Variants in MYH11 observed in about 807,000 individuals in gnomAD.
MYH11 encodes myosin heavy chain 11.
MYH11 carries 80 observed loss-of-function variants against 246.6 expected under a neutral mutation model. The observed-to-expected ratio is 0.32, with a 90% CI of 0.27 to 0.39. MYH11 has a LOEUF of 0.39. Among genes scored for constraint, MYH11 ranks in the 10% least tolerant of loss-of-function variants. The pLI, the probability that MYH11 is intolerant of heterozygous loss-of-function variation, is 1.00. For missense variants in MYH11, 2,158 were observed against 2,546.8 expected (o/e 0.85, Z 3.29); for synonymous variants, 1,071 against 1,015.5 (o/e 1.05, Z -1.04).
chr16:15,763,741 T>TCGGGCCCCCCCCCCCCCCCC, intron 10 of MYH11, 55 bp downstream of exon 10: 2 of 646,852 alleles, frequency 3.1e-6, no homozygotes, highest in South Asian at 1.4e-5. Context: ...AAATGTCACC[T>TCGGGCCCCCCCCCCCCCCCC]CCCCCACCCC....
chr16:15,769,463 G>A (rs201822508), intron 9 of MYH11, among the ~76,000 whole-genome samples: 22 of 152,256 alleles, frequency 1.4e-4, no homozygotes, highest in Non-Finnish European at 3.1e-4. Flanking sequence ...CTGCGCCACC[G>A]TACTCCAGCC....
intron 10 of MYH11, 55 bp downstream of exon 10, chr16:15,763,741 T>TCGCCCCCCCC: frequency 6.2e-6 from 4 of 646,854 alleles, no homozygotes; most frequent in Non-Finnish European, 5.8e-6. Flanking sequence ...AAATGTCACC[T>TCGCCCCCCCC]CCCCCACCCC....
In MYH11 at chr16:15,748,046, C is replaced by A. The variant is rs2151260748; in HGVS notation, c.2180+1G>T. The A allele has an allele frequency of 1.9e-6, 3 of 1,614,212 alleles. No individual in the cohort carries two copies. The highest frequency in any genetic ancestry group is 2.5e-6 in the Non-Finnish European group (3 of 1,180,042). On this transcript the variant is annotated splice_donor_variant, in intron 17 of 40. Transcript: ENST00000300036. LOFTEE classifies it high-confidence loss of function. ...TACCTGGGCCAGACCTTGGGACTTA[C>A]CGTTGGCGGAACTCCTGGAAGACGA...
intron 31 of MYH11, among the ~76,000 whole-genome samples, chr16:15,722,943 G>A (rs1018599001): frequency 1.3e-5 from 2 of 151,990 alleles, no homozygotes; most frequent in African/African-American, 4.8e-5. Flanking sequence ...AAAGTTGCAC[G>A]ATGTTGGCCA....
At chr16:15,846,361 C>A (rs767297225) in intron 1 of MYH11, among the ~76,000 whole-genome samples, 1 of 152,166 alleles carries the variant, frequency 6.6e-6, no homozygotes, top group Non-Finnish European at 1.5e-5. Context: ...ACAAAAAGCA[C>A]AGGTTCTGTG....
chr16:15,744,184 T>G (rs1011079191), intron 20 of MYH11, among the ~76,000 whole-genome samples: 4 of 151,960 alleles, frequency 2.6e-5, no homozygotes, highest in African/African-American at 9.7e-5. Flanking sequence ...ATTCCATGTA[T>G]AGAATATTTG....
chr16:15,719,076 C>T (rs1175510378), intron 36 of MYH11, 144 bp downstream of exon 36: 20 of 794,824 alleles, frequency 2.5e-5, no homozygotes, highest in Non-Finnish European at 4.2e-5. Context: ...TGCAGTGAGC[C>T]AAGATTGTGC....
intron 1 of MYH11, among the ~76,000 whole-genome samples, chr16:15,854,754 G>T (rs2044418931): frequency 6.6e-6 from 1 of 152,102 alleles, no homozygotes; most frequent in African/African-American, 2.4e-5. Context: ...TCTGCTCTTG[G>T]AATTACACGC....
chr16:15,778,548 C>A (rs1479781285), intron 7 of MYH11, among the ~76,000 whole-genome samples: 1 of 152,166 alleles, frequency 6.6e-6, no homozygotes, highest in African/African-American at 2.4e-5. Flanking sequence ...AGGGACAGAT[C>A]ATTTGAGCAT....
At chr16:15,833,377 G>A (rs138067293) in intron 2 of MYH11, among the ~76,000 whole-genome samples, 4 of 50,940 alleles carry the variant, frequency 7.9e-5, no homozygotes, top group East Asian at 8.5e-4. Flanking sequence ...GAGAGGGAGG[G>A]AGGGAGGGAG....
intron 2 of MYH11, among the ~76,000 whole-genome samples, chr16:15,834,406 A>G (rs1376108721): frequency 6.6e-6 from 1 of 152,004 alleles, no homozygotes; most frequent in East Asian, 1.9e-4. Context: ...CATCCCTGCA[A>G]TCCCAGCTAC....
At chr16:15,714,601 A>G (rs1453575642) in intron 40 of MYH11, 3 of 510,944 alleles carry the variant, frequency 5.9e-6, no homozygotes, top group African/African-American at 3.8e-5. Flanking sequence ...CAGTGATGCA[A>G]TGAAGGAGGG....
intron 9 of MYH11, among the ~76,000 whole-genome samples, chr16:15,770,918 A>G (rs2042084808): frequency 6.6e-6 from 1 of 152,168 alleles, no homozygotes; most frequent in Non-Finnish European, 1.5e-5. Flanking sequence ...TAGTCGAGAG[A>G]GATAGAAGAC....
chr16:15,852,843 C>T (rs918615946), intron 1 of MYH11, among the ~76,000 whole-genome samples: 1 of 152,046 alleles, frequency 6.6e-6, no homozygotes, highest in Non-Finnish European at 1.5e-5. Flanking sequence ...AATGCAAGGC[C>T]CTCCCTTGCA....
intron 20 of MYH11, among the ~76,000 whole-genome samples, chr16:15,742,678 C>T (rs2041307935): frequency 6.6e-6 from 1 of 151,992 alleles, no homozygotes; most frequent in African/African-American, 2.4e-5. Context: ...CTGCAGTGAG[C>T]CACGATTGTG....
chr16:15,782,814 C>T (rs1412919470), intron 5 of MYH11: 3 of 345,232 alleles, frequency 8.7e-6, no homozygotes, highest in South Asian at 2.6e-5. Context: ...TGGTGCCCCC[C>T]GGAGTTGTGC....
At chr16:15,748,266 A>G (rs555510726) in intron 16 of MYH11, 98 bp from the exon 17 acceptor site, 7 of 1,573,448 alleles carry the variant, frequency 4.4e-6, no homozygotes, top group Admixed American at 1.8e-5. Flanking sequence ...TGGCCAGGCC[A>G]TGAGGGTACC....
At chr16:15,759,230 G>A (rs2041809307) in intron 12 of MYH11, among the ~76,000 whole-genome samples, 1 of 138,868 alleles carries the variant, frequency 7.2e-6, no homozygotes, top group Non-Finnish European at 1.5e-5. Context: ...CAGGATTACT[G>A]AGAGGCAGTC....
At chr16:15,721,793 G>A (rs866616286) in intron 31 of MYH11, 159 bp from the exon 32 acceptor site, 11 of 721,688 alleles carry the variant, frequency 1.5e-5, no homozygotes, top group South Asian at 5.0e-5. Context: ...ATCATCTGGC[G>A]TTCTGACTTC....
Sources: gnomAD v4.1 joint callset for allele counts (sites outside exome capture counted in the v4.1 genomes callset) on GRCh38, gnomAD v4.1.1 for gene constraint, MANE v1.5 for transcripts, NCBI Gene and HGNC (gene_info 2026-07-23, HGNC 2026-07-21) for gene names.